The following CHD1L variants were observed in gnomAD, a reference collection of about 807,000 sequenced individuals.
The protein encoded by CHD1L is chromodomain helicase DNA binding protein 1 like.
In CHD1L, 118 loss-of-function variants were observed where a neutral mutation model predicts 115.9. That is an observed-to-expected ratio of 1.02 (90% confidence interval 0.88 to 1.19). The LOEUF (loss-of-function observed/expected upper bound fraction) is 1.19, where lower values mean the gene tolerates loss of function less well. CHD1L is among the 50% of genes most tolerant of loss of function. CHD1L has a pLI of 0.00. For synonymous variants in CHD1L, 411 were observed against 387.1 expected (o/e 1.06, Z -0.72); for missense variants, 1,179 against 1,065.3 (o/e 1.11, Z -1.49).
chr1:147,245,059 C>T (rs1666152157), intron 1 of CHD1L, among the ~76,000 whole-genome samples: 1 of 152,124 alleles, frequency 6.6e-6, no homozygotes, highest in Admixed American at 6.5e-5. Flanking sequence ...ATGAAGTTAC[C>T]TTAGGACCTT....
chr1:147,284,484 C>G lies in CHD1L; in HGVS notation c.1839C>G (p.Leu613=). ...LEKASQEGRS[L]RNKGSVLIPG... is the part of the protein sequence containing the mutation. ...AAGCTAGTCAAGAGGGCCGATCACT[C>G]CGAAATAAAGGCAGTGTAAGAACTG... The change falls in exon 16 of 23, where the codon CTC becomes CTG. Residue 613 remains leucine, a synonymous_variant. Coordinates refer to ENST00000369258, the MANE Select transcript of CHD1L (RefSeq NM_004284.6). 6.3e-7 allele frequency: 1 copy of G among 1,598,292 alleles called. No homozygotes were observed. The highest frequency in any genetic ancestry group is 8.5e-7 in the Non-Finnish European group (1 of 1,175,560).
At chr1:147,233,580 C>T in the CHD1L span, among the ~76,000 whole-genome samples, 3 of 152,172 alleles carry the variant, frequency 2.0e-5, no homozygotes, top group Non-Finnish European at 4.4e-5. Flanking sequence ...CGGCCACCAC[C>T]CCGTCTGGGA....
At chr1:147,283,964 G>C (rs1338492958) in intron 15 of CHD1L, among the ~76,000 whole-genome samples, 1 of 152,188 alleles carries the variant, frequency 6.6e-6, no homozygotes, top group African/African-American at 2.4e-5. Context: ...TTGCCAAGCT[G>C]AATATTAAAA....
intron 15 of CHD1L, among the ~76,000 whole-genome samples, chr1:147,281,566 T>C (rs961715277): frequency 1.3e-5 from 2 of 152,284 alleles, no homozygotes; most frequent in Middle Eastern, 3.4e-3. Flanking sequence ...ATTTTATGTT[T>C]TATCTTCGAA....
At chr1:147,279,950 C>A in intron 14 of CHD1L, 76 bp from the exon 15 acceptor site, 1 of 1,493,386 alleles carries the variant, frequency 6.7e-7, no homozygotes, top group Non-Finnish European at 9.3e-7. Context: ...GTCGTTAATC[C>A]ACTTAGCCAA....
At chr1:147,201,005 C>A in the CHD1L span, 1 of 650,042 alleles carries the variant, frequency 1.5e-6, no homozygotes, top group Non-Finnish European at 2.6e-6. Context: ...ACTTTAGATT[C>A]ACTCAAAAAT....
At chr1:147,237,548 CAGA>C in the CHD1L span, among the ~76,000 whole-genome samples, 7 of 152,194 alleles carry the variant, frequency 4.6e-5, no homozygotes, top group Non-Finnish European at 8.8e-5. Flanking sequence ...CCTGCCAACT[CAGA>C]AGGAGGCAGG....
the CHD1L span, chr1:147,175,815 A>T: frequency 6.6e-6 from 1 of 152,144 alleles, no homozygotes; most frequent in Non-Finnish European, 1.5e-5. Flanking sequence ...TAAAAGAATA[A>T]CTCGATACAT....
At chr1:147,214,357 G>A in the CHD1L span, among the ~76,000 whole-genome samples, 1 of 151,942 alleles carries the variant, frequency 6.6e-6, no homozygotes, top group South Asian at 2.1e-4. Flanking sequence ...AGGCTGAGGC[G>A]GGAGAATTGC....
At chr1:147,290,417 A>T (rs587632968) in intron 19 of CHD1L, among the ~76,000 whole-genome samples, 10 of 152,316 alleles carry the variant, frequency 6.6e-5, no homozygotes, top group African/African-American at 2.4e-4. Context: ...GGAAGATTAC[A>T]TACTTTTTTT....
At chr1:147,179,671 A>T in the CHD1L span, 39 of 1,129,888 alleles carry the variant, frequency 3.5e-5, no homozygotes, top group Middle Eastern at 8.5e-4. Flanking sequence ...CTTCCACCAG[A>T]GATGGGAAAA....
At chr1:147,183,769 C>T in the CHD1L span, among the ~76,000 whole-genome samples, 3 of 152,140 alleles carry the variant, frequency 2.0e-5, no homozygotes, top group Non-Finnish European at 4.4e-5. Flanking sequence ...CATGGAAAAA[C>T]TTGGCACTCT....
chr1:147,267,391 C>G (rs1553949174), intron 8 of CHD1L, 35 bp from the exon 9 acceptor site: 1 of 1,535,222 alleles, frequency 6.5e-7, no homozygotes, highest in Non-Finnish European at 9.0e-7. Flanking sequence ...AGTAGGCCAT[C>G]TCTTTCTGTC....
chr1:147,266,368 TCCTC>T (rs1194137053), intron 8 of CHD1L, among the ~76,000 whole-genome samples: 4 of 152,302 alleles, frequency 2.6e-5, no homozygotes, highest in Non-Finnish European at 5.9e-5. Context: ...ATGTCTTTCA[TCCTC>T]CCACCCTGTC....
At chr1:147,214,557 G>A in the CHD1L span, among the ~76,000 whole-genome samples, 1 of 151,698 alleles carries the variant, frequency 6.6e-6, no homozygotes, top group Non-Finnish European at 1.5e-5. Flanking sequence ...ACACAGGCTG[G>A]TGCCTCTGCC....
At chr1:147,204,877 G>T in the CHD1L span, 1 of 1,590,872 alleles carries the variant, frequency 6.3e-7, no homozygotes, top group Non-Finnish European at 8.6e-7. Flanking sequence ...AAAGTGTTTC[G>T]CTCCCTCCTT....
chr1:147,290,790 A>G (rs1351761315), intron 19 of CHD1L, among the ~76,000 whole-genome samples: 1 of 152,096 alleles, frequency 6.6e-6, no homozygotes, highest in Admixed American at 6.5e-5. Flanking sequence ...AGTAGCTAAG[A>G]CTACAGGTTC....
intron 5 of CHD1L, chr1:147,258,842 A>G (rs1670976182): frequency 6.6e-6 from 1 of 152,212 alleles, no homozygotes; most frequent in South Asian, 2.1e-4. Context: ...AAATAATGTA[A>G]TGGGATTCCA....
intron 1 of CHD1L, among the ~76,000 whole-genome samples, chr1:147,243,612 G>A (rs1480441141): frequency 6.6e-6 from 1 of 152,108 alleles, no homozygotes; most frequent in Admixed American, 6.5e-5. Flanking sequence ...ACTCGCCGCT[G>A]AACCGCCCCA....
Sources: allele counts gnomAD v4.1 joint callset (sites outside exome capture counted in the v4.1 genomes callset), GRCh38; gene constraint gnomAD v4.1.1; transcripts MANE v1.5; gene names NCBI Gene and HGNC (gene_info 2026-07-23, HGNC 2026-07-21).